CTNNA2: variants seen among roughly 807,000 people sequenced by gnomAD.
CTNNA2 encodes the protein catenin alpha-2.
In CTNNA2, 42 loss-of-function variants were observed where a neutral mutation model predicts 101.0. The ratio of observed to expected loss-of-function variants is 0.42; its 90% CI spans 0.32 to 0.54. CTNNA2 has a LOEUF of 0.54. Among genes scored for constraint, CTNNA2 ranks in the 20% least tolerant of loss-of-function variants. The pLI, the probability that CTNNA2 is intolerant of heterozygous loss-of-function variation, is 0.14. For missense variants in CTNNA2, 871 were observed against 1,223.1 expected (o/e 0.71, Z 4.29); for synonymous variants, 450 against 456.4 (o/e 0.99, Z 0.18).
chr2:79,613,618 A>G (rs1285407785), intron 1 of CTNNA2, among the ~76,000 whole-genome samples: 4 of 152,190 alleles, frequency 2.6e-5, no homozygotes, highest in African/African-American at 9.7e-5. Flanking sequence ...ACAATAACAA[A>G]AATAATAACA....
rs569570946 is a variant in CTNNA2, at chr2:79,369,929, G to A, written c.-317-3902G>A. Among the ~76,000 whole-genome samples the A allele has an allele frequency of 3.1e-4, 47 of 152,222 alleles. 1 individual carries two copies. The highest frequency in any genetic ancestry group is 1.9e-4 in the Non-Finnish European group (13 of 68,018). On this transcript the variant is annotated intron_variant, in intron 3 of 21. Coordinates refer to the CTNNA2 transcript ENST00000466387. ...TAATTTTCTTCTCCCTGTTTTGTGT[G>A]TTTGCATATTATCTACAAGGTTGTA...
chr2:80,214,570 G>A (rs948944741), intron 7 of CTNNA2, among the ~76,000 whole-genome samples: 4 of 152,184 alleles, frequency 2.6e-5, no homozygotes, highest in Non-Finnish European at 5.9e-5. Flanking sequence ...TAGAGTTTCT[G>A]CCGAGAGATC....
chr2:79,804,783 A>G (rs1676439498), intron 3 of CTNNA2, among the ~76,000 whole-genome samples: 2 of 152,244 alleles, frequency 1.3e-5, no homozygotes, highest in African/African-American at 4.8e-5. Context: ...AATGCCAAAA[A>G]TTAAAATGCA....
intron 3 of CTNNA2, among the ~76,000 whole-genome samples, chr2:79,354,661 G>A (rs1181349422): frequency 6.6e-6 from 1 of 151,898 alleles, no homozygotes; most frequent in African/African-American, 2.4e-5. Context: ...CTACTCTCTG[G>A]GAGGCTCCCT....
chr2:79,689,644 C>T (rs1573687856), intron 2 of CTNNA2, among the ~76,000 whole-genome samples: 1 of 151,480 alleles, frequency 6.6e-6, no homozygotes, highest in Non-Finnish European at 1.5e-5. Context: ...AAAAGCAAAC[C>T]ACAAAAGATG....
At chr2:79,916,011 A>T (rs1220382024) in intron 7 of CTNNA2, among the ~76,000 whole-genome samples, 3 of 152,212 alleles carry the variant, frequency 2.0e-5, no homozygotes, top group Non-Finnish European at 2.9e-5. Context: ...AGTAGCTCTT[A>T]TTACTTAAGA....
At chr2:79,982,220 A>ATC (rs1691346746) in intron 7 of CTNNA2, among the ~76,000 whole-genome samples, 1 of 41,846 alleles carries the variant, frequency 2.4e-5, no homozygotes, top group African/African-American at 5.9e-5. Context: ...ATATATATAT[A>ATC]TATATATATA....
At chr2:79,431,232 G>A (rs1235588154) in intron 4 of CTNNA2, among the ~76,000 whole-genome samples, 1 of 152,168 alleles carries the variant, frequency 6.6e-6, no homozygotes, top group Non-Finnish European at 1.5e-5. Flanking sequence ...CACAGTGTCA[G>A]ACACTGTTTT....
At chr2:79,637,214 T>A (rs561442831) in intron 1 of CTNNA2, among the ~76,000 whole-genome samples, 102 of 152,302 alleles carry the variant, frequency 6.7e-4, no homozygotes, top group African/African-American at 2.4e-3. Context: ...TTTACTTTTT[T>A]AATTGGACAA....
chr2:79,616,348 A>G (rs1178401690), intron 1 of CTNNA2, among the ~76,000 whole-genome samples: 3 of 152,232 alleles, frequency 2.0e-5, no homozygotes, highest in Non-Finnish European at 4.4e-5. Flanking sequence ...GAAGGTCTAT[A>G]GAGACTAAAA....
intron 7 of CTNNA2, among the ~76,000 whole-genome samples, chr2:80,331,464 C>A (rs1438360050): frequency 1.3e-5 from 2 of 152,122 alleles, no homozygotes; most frequent in African/African-American, 2.4e-5. Context: ...CATCAAAGCA[C>A]TACCTTTCCA....
At chr2:79,219,551 A>C (rs963195097) in intron 2 of CTNNA2, among the ~76,000 whole-genome samples, 10 of 152,178 alleles carry the variant, frequency 6.6e-5, no homozygotes, top group African/African-American at 2.4e-4. Flanking sequence ...CACTTTAAGG[A>C]TCTGCTTGTA....
intron 1 of CTNNA2, among the ~76,000 whole-genome samples, chr2:79,543,200 C>A (rs1254123594): frequency 2.0e-5 from 3 of 151,998 alleles, no homozygotes; most frequent in Non-Finnish European, 4.4e-5. Flanking sequence ...TCATAATTTT[C>A]CATTAAAACA....
intron 7 of CTNNA2, among the ~76,000 whole-genome samples, chr2:80,230,260 GTT>G (rs375509574): frequency 5.8e-5 from 7 of 121,620 alleles, no homozygotes; most frequent in Admixed American, 8.7e-5. Flanking sequence ...TTTTTTCTTT[GTT>G]TTTTTTTTTT....
intron 1 of CTNNA2, among the ~76,000 whole-genome samples, chr2:79,648,942 G>T (rs77074088): frequency 0.011 from 1,749 of 152,150 alleles, 49 homozygotes; most frequent in African/African-American, 0.039. Context: ...TTTTACCTTT[G>T]TCACAAGAAA....
chr2:79,416,532 C>A (rs1678484849), intron 4 of CTNNA2, among the ~76,000 whole-genome samples: 1 of 152,008 alleles, frequency 6.6e-6, no homozygotes, highest in South Asian at 2.1e-4. Context: ...TTGGGCAAAA[C>A]CCCACATTCC....
chr2:79,624,105 C>T (rs1460942659), intron 1 of CTNNA2, among the ~76,000 whole-genome samples: 2 of 151,988 alleles, frequency 1.3e-5, no homozygotes, highest in African/African-American at 2.4e-5. Flanking sequence ...GGGGAACTTC[C>T]CCATTTTCTT....
At chr2:79,973,211 G>T (rs1188208339) in intron 7 of CTNNA2, among the ~76,000 whole-genome samples, 1 of 150,898 alleles carries the variant, frequency 6.6e-6, no homozygotes, top group Admixed American at 6.6e-5. Context: ...CTTTCTCTTG[G>T]TTATTTTTTT....
chr2:79,966,720 T>A (rs1690089215), intron 7 of CTNNA2, among the ~76,000 whole-genome samples: 1 of 152,222 alleles, frequency 6.6e-6, no homozygotes, highest in Non-Finnish European at 1.5e-5. Context: ...AAAGCATCAG[T>A]GACTTCTGTC....
Sources: allele counts gnomAD v4.1 joint callset (sites outside exome capture counted in the v4.1 genomes callset), GRCh38; gene constraint gnomAD v4.1.1; transcripts MANE v1.5; gene names NCBI Gene and HGNC (gene_info 2026-07-23, HGNC 2026-07-21).